Variants in SRSF3 observed in about 807,000 individuals in gnomAD.
SRSF3 encodes serine/arginine-rich splicing factor 3.
For synonymous variants in SRSF3, 87 were observed against 73.6 expected, an observed-to-expected ratio of 1.18 and a Z score of -0.93; for missense variants, 58 against 217.1, an observed-to-expected ratio of 0.27 and a Z score of 4.61.
rs185030881 is a variant in SRSF3, at chr6:36,600,833, T to C, written c.342-319T>C. 131 of 225,506 alleles carry C rather than the reference T, an allele frequency of 5.8e-4. 2 individuals carry two copies. Among genetic ancestry groups the C allele is most frequent in the Admixed American group, 9.3e-4 (17 of 18,188 alleles). 14.0% of individuals were successfully genotyped at this position (225,506 alleles called of 1,614,324 possible). The stretch of plus-strand genomic sequence containing the variant: ...TGGAACTACTTGTGGGACTATATTT[T>C]GGTGTGGTGTTTGGGTAGTGAAGTT... On this transcript the variant is annotated intron_variant, in intron 3 of 5. Coordinates refer to ENST00000373715, the MANE Select transcript of SRSF3 (RefSeq NM_003017.5).
chr6:36,595,375 A>C (rs886733032), intron 1 of SRSF3, among the ~76,000 whole-genome samples: 2 of 152,182 alleles, frequency 1.3e-5, no homozygotes, highest in African/African-American at 4.8e-5. Flanking sequence ...TTAAAGTGAA[A>C]TTATCTTTAA....
chr6:36,601,098 C>A, intron 3 of SRSF3, 54 bp from the exon 4 acceptor site: 1 of 1,467,128 alleles, frequency 6.8e-7, no homozygotes, highest in Non-Finnish European at 9.2e-7. Context: ...GGAAATGCCT[C>A]ACGCCATAAA....
chr6:36,600,992 C>CTTTTTTTCTTTTTTTT, intron 3 of SRSF3, 160 bp from the exon 4 acceptor site: 1 of 338,966 alleles, frequency 3.0e-6, no homozygotes, highest in South Asian at 6.9e-5. Context: ...TTTTTCTTTT[C>CTTTTTTTCTTTTTTTT]TTTTTTTTCT....
intron 3 of SRSF3, chr6:36,600,433 CGTAAT>C (rs1334511651): frequency 5.7e-5 from 16 of 281,388 alleles, no homozygotes; most frequent in African/African-American, 1.1e-4. Context: ...ATAGGGAACT[CGTAAT>C]GTAACTAGGC....
intron 1 of SRSF3, among the ~76,000 whole-genome samples, chr6:36,595,516 C>T (rs950968761): frequency 6.6e-6 from 1 of 152,202 alleles, no homozygotes; most frequent in Non-Finnish European, 1.5e-5. Context: ...CCCCCTTCCT[C>T]TAGTCCCTAG....
intron 2 of SRSF3, among the ~76,000 whole-genome samples, chr6:36,597,616 T>C (rs1778652584): frequency 6.6e-6 from 1 of 152,024 alleles, no homozygotes; most frequent in Non-Finnish European, 1.5e-5. Context: ...CACCCCCCTT[T>C]CCTCATATTT....
At position 36,605,465 on chromosome 6, in the gene SRSF3, G is replaced by T. The variant is rs1209381562; in HGVS notation, c.*3476G>T. ...AGATGTAGCCACTTCACTCCAGCCT[G>T]AGTGAAAGCAAAACTTCGTCTCCAA... On this transcript the variant is annotated 3_prime_UTR_variant, in exon 6 of 6. Transcript: ENST00000373715. 1 of 150,848 alleles carries T rather than the reference G, an allele frequency of 6.6e-6. No individual in the cohort carries two copies. Among genetic ancestry groups the T allele is most frequent in the Non-Finnish European group, 1.5e-5 (1 of 67,888 alleles). The allele number at this position is 150,848 out of a possible 1,614,324, so 9.3% of individuals were successfully genotyped here.
chr6:36,597,041 C>T (rs369665454), intron 2 of SRSF3, 73 bp downstream of exon 2: 25 of 1,368,392 alleles, frequency 1.8e-5, no homozygotes, highest in African/African-American at 2.9e-5. Context: ...GGATATGTGG[C>T]TCTTAGATGG....
chr6:36,596,833 C>T lies in SRSF3; in HGVS notation c.71C>T (p.Thr24Met), dbSNP rs1778638158. The T allele has an allele frequency of 6.2e-7, 1 of 1,613,940 alleles. No individual in the cohort carries two copies. The highest frequency in any genetic ancestry group is 8.5e-7 in the Non-Finnish European group (1 of 1,180,008). ...AATCTTGGAAACAATGGCAACAAGA[C>T]GGAATTGGAACGGGCTTTTGGCTAC... ...VGNLGNNGNKTELERAFGYYG... is the reference protein window; with the variant it reads ...VGNLGNNGNKMELERAFGYYG... Residue 24 changes from threonine to methionine, a missense_variant, in exon 2 of 6, where the codon ACG becomes ATG. By Grantham distance (81) the Thr-to-Met change is moderately conservative (BLOSUM62 -1). Coordinates refer to ENST00000373715, the MANE Select transcript of SRSF3 (RefSeq NM_003017.5).
In SRSF3 at chr6:36,602,825, C is replaced by A. The variant is rs1408134610; in HGVS notation, c.*836C>A. On this transcript the variant is annotated 3_prime_UTR_variant, in exon 6 of 6. Coordinates refer to ENST00000373715, the MANE Select transcript of SRSF3 (RefSeq NM_003017.5). ...TTCCTTGCAAACTCAAATCTGTGAG[C>A]TTGGTACCAAGTCCAGGTATAACAT... 1 of 208,212 alleles carries A rather than the reference C, an allele frequency of 4.8e-6. No homozygotes were observed. Among genetic ancestry groups the A allele is most frequent in the Non-Finnish European group, 9.8e-6 (1 of 102,026 alleles). 12.9% of individuals were successfully genotyped at this position (208,212 alleles called of 1,614,324 possible).
rs559407697 is a variant in SRSF3, at chr6:36,603,642, A to C, written c.*1653A>C. The C allele has an allele frequency of 4.4e-6, 1 of 229,882 alleles. No homozygotes were observed. Among genetic ancestry groups the C allele is most frequent in the Non-Finnish European group, 8.6e-6 (1 of 116,088 alleles). 14.2% of individuals were successfully genotyped at this position (229,882 alleles called of 1,614,324 possible). A position where few individuals can be genotyped will look rare whatever the true frequency, so the allele number is the denominator to read the frequency against. On this transcript the variant is annotated 3_prime_UTR_variant, in exon 6 of 6. Transcript: ENST00000373715. ...GGAAGGTTCAGCCTTAAAGTTAAGC[A>C]TGTTCAAGAAAGACACTTTTCAGAC...
intron 3 of SRSF3, chr6:36,599,847 C>A: frequency 7.4e-7 from 1 of 1,352,142 alleles, no homozygotes; most frequent in Non-Finnish European, 9.8e-7. Flanking sequence ...CTTCTCACCA[C>A]CCTCTGAATC....
intron 1 of SRSF3, among the ~76,000 whole-genome samples, chr6:36,596,152 G>T (rs1196346341): frequency 1.3e-5 from 2 of 152,090 alleles, no homozygotes; most frequent in Non-Finnish European, 2.9e-5. Flanking sequence ...TCGAACTCCT[G>T]ACCTCGTGAT....
chr6:36,594,964 C>T (rs138569062), intron 1 of SRSF3, among the ~76,000 whole-genome samples: 34 of 152,274 alleles, frequency 2.2e-4, no homozygotes, highest in African/African-American at 7.7e-4. Context: ...AAAGATCTTC[C>T]TTGAACTTAA....
chr6:36,601,008 T>TTC (rs1554181261), intron 3 of SRSF3, 144 bp from the exon 4 acceptor site: 5 of 286,456 alleles, frequency 1.7e-5, no homozygotes, highest in Admixed American at 5.9e-5. Flanking sequence ...TTTCTTTTTT[T>TTC]TTTTTTTTTT....
At chr6:36,601,515 T>A (rs1478757298) in intron 4 of SRSF3, 193 bp from the exon 5 acceptor site, 2 of 600,136 alleles carry the variant, frequency 3.3e-6, no homozygotes, top group Non-Finnish European at 5.8e-6. Context: ...ACCTGGCTAA[T>A]TTATTTTTTG....
intron 1 of SRSF3, 73 bp from the exon 2 acceptor site, chr6:36,596,688 T>C: frequency 1.5e-6 from 2 of 1,356,112 alleles, no homozygotes; most frequent in Non-Finnish European, 1.1e-6. Context: ...TCTAATGGAG[T>C]TCTTTCTAAG....
At chr6:36,600,046 C>G (rs1778690041) in intron 3 of SRSF3, 1 of 1,236,812 alleles carries the variant, frequency 8.1e-7, no homozygotes. Flanking sequence ...CCACCTCGAC[C>G]GCCCACACAT....
chr6:36,597,523 G>A (rs1778650851), intron 2 of SRSF3, among the ~76,000 whole-genome samples: 1 of 152,156 alleles, frequency 6.6e-6, no homozygotes, highest in East Asian at 1.9e-4. Context: ...ACTCCAGAAA[G>A]TGAATCACTT....
Sources: allele counts gnomAD v4.1 joint callset (sites outside exome capture counted in the v4.1 genomes callset), GRCh38; gene constraint gnomAD v4.1.1; transcripts MANE v1.5; gene names NCBI Gene and HGNC (gene_info 2026-07-23, HGNC 2026-07-21).